The following FMR1 variants were observed in gnomAD, a reference collection of about 807,000 sequenced individuals.
FMR1 encodes fragile X messenger ribonucleoprotein 1.
FMR1 carries 13 observed loss-of-function variants against 50.6 expected under a neutral mutation model. The ratio of observed to expected loss-of-function variants is 0.26; its 90% CI spans 0.17 to 0.41. The LOEUF (loss-of-function observed/expected upper bound fraction) is 0.41. FMR1 is among the 10% of genes least tolerant of loss of function. FMR1 has a pLI of 1.00. For synonymous variants in FMR1, 138 were observed against 164.1 expected (o/e 0.84, Z 1.22); for missense variants, 316 against 491.3 (o/e 0.64, Z 3.37).
At chrX:147,942,479 G>T (rs2044041307) in intron 13 of FMR1, among the ~76,000 whole-genome samples, 1 of 112,238 alleles carries the variant, frequency 8.9e-6, no homozygotes, top group African/African-American at 3.2e-5. Flanking sequence ...CAGAGTTGTA[G>T]TCTTTAGGAA....
chrX:147,943,050 T>A, intron 13 of FMR1, 81 bp from the exon 14 acceptor site: 4 of 823,954 alleles, frequency 4.9e-6, no homozygotes, highest in Non-Finnish European at 7.2e-6. Context: ...TCCAGTATAT[T>A]TTTATCTGAT....
intron 15 of FMR1, 148 bp downstream of exon 15, chrX:147,945,199 T>C (rs1557181711): frequency 4.4e-6 from 4 of 903,175 alleles, no homozygotes; most frequent in African/African-American, 2.0e-5. Context: ...AGCCTTCCAC[T>C]TGTGTAGAAA....
chrX:147,940,628 C>A lies in FMR1; in HGVS notation c.1241C>A (p.Thr414Asn). Reference sequence around the variant, plus strand: ...ACAAAGGACAGCATCGCTAATGCCACTGTTCTTTTGGATTATCACCTGAAC... The same window carrying A: ...ACAAAGGACAGCATCGCTAATGCCAATGTTCTTTTGGATTATCACCTGAAC... ...VGTKDSIANA[T>N]VLLDYHLNYL... Residue 414 changes from threonine (T) to asparagine (N), a missense_variant, in exon 13 of 17, where the codon ACT (threonine) becomes AAT (asparagine). By Grantham distance (65) the Thr-to-Asn change is moderately conservative (BLOSUM62 0). Transcript: ENST00000370475. The A allele has an allele frequency of 8.3e-7, 1 of 1,202,926 alleles. No individual in the cohort carries two copies. Among genetic ancestry groups the A allele is most frequent in the Non-Finnish European group, 1.1e-6 (1 of 887,500 alleles).
At chrX:147,944,216 C>G in intron 14 of FMR1, 2 of 750,868 alleles carry the variant, frequency 2.7e-6, no homozygotes, top group Admixed American at 8.6e-5. Flanking sequence ...CCGCTCCTGT[C>G]CTCTAAGTCG....
chrX:147,917,332 G>A (rs1283771756), intron 1 of FMR1, among the ~76,000 whole-genome samples: 4 of 111,980 alleles, frequency 3.6e-5, no homozygotes, highest in African/African-American at 1.3e-4. Flanking sequence ...TAGAATGTTT[G>A]AATAGATAGC....
intron 1 of FMR1, among the ~76,000 whole-genome samples, chrX:147,919,741 G>A: frequency 8.9e-6 from 1 of 111,974 alleles, no homozygotes. Context: ...AAGCATTATT[G>A]AAGAAGCTTG....
chrX:147,934,183 A>C (rs1274600720), intron 9 of FMR1, among the ~76,000 whole-genome samples: 1 of 108,682 alleles, frequency 9.2e-6, no homozygotes, highest in Non-Finnish European at 1.9e-5. Flanking sequence ...ATTCTTATGG[A>C]AAAAGAGCTG....
intron 5 of FMR1, 78 bp downstream of exon 5, chrX:147,928,885 A>G: frequency 9.4e-7 from 1 of 1,061,214 alleles, no homozygotes; most frequent in Non-Finnish European, 1.3e-6. Flanking sequence ...GTAGTTTAAA[A>G]TTTTTTAAAC....
intron 1 of FMR1, 116 bp downstream of exon 1, chrX:147,912,346 G>A: frequency 1.4e-6 from 1 of 696,654 alleles, no homozygotes; most frequent in South Asian, 2.6e-5. Context: ...TGGGTGCCAG[G>A]GCACGCTCGG....
chrX:147,916,759 T>C (rs2042889734), intron 1 of FMR1, among the ~76,000 whole-genome samples: 1 of 111,561 alleles, frequency 9.0e-6, no homozygotes, highest in South Asian at 3.7e-4. Context: ...TTTGTTTCTT[T>C]CAACAGGTCT....
rs1557183462 is a variant in FMR1 at position 147,950,622 on chromosome X, G to C, written c.*1778G>C. Reference sequence around the variant, plus strand: ...TATGCAAGCAGTTTCAATAAAGTTTGATCTTCCTCTGCTAAATTGATGTTG... The same window carrying C: ...TATGCAAGCAGTTTCAATAAAGTTTCATCTTCCTCTGCTAAATTGATGTTG... On this transcript the variant is annotated 3_prime_UTR_variant, in exon 17 of 17. Transcript: ENST00000370475. The C allele has an allele frequency of 3.0e-6, 1 of 328,968 alleles. No homozygotes were observed. Among genetic ancestry groups the C allele is most frequent in the Non-Finnish European group, 5.9e-6 (1 of 169,486 alleles). The allele number at this position is 328,968 out of a possible 1,213,427, so 27.1% of individuals were successfully genotyped here.
Position 147,936,492 on chromosome X carries a change from T to C in FMR1, c.881-12T>C. ...TGTTTTTAAAACCAAACTTGATTTA[T>C]TTATTTCTTAGGCAAAGTAATAGGA... is the stretch of plus-strand genomic sequence containing the variant. On this transcript the variant is annotated splice_polypyrimidine_tract_variant and intron_variant, in intron 9 of 16. Coordinates refer to ENST00000370475, the MANE Select transcript of FMR1 (RefSeq NM_002024.6). 8.9e-7 allele frequency: 1 copy of C among 1,125,029 alleles called. No homozygotes were observed. The highest frequency in any genetic ancestry group is 1.2e-6 in the Non-Finnish European group (1 of 816,713). 92.7% of individuals were successfully genotyped at this position (1,125,029 alleles called of 1,213,427 possible).
intron 11 of FMR1, 77 bp from the exon 12 acceptor site, chrX:147,938,008 AAAAGTCCTGCAGTG>A: frequency 1.4e-6 from 1 of 710,689 alleles, no homozygotes; most frequent in Non-Finnish European, 2.3e-6. Context: ...AAATGGGTTT[AAAAGTCCTGCAGTG>A]AAAGTCCTGC....
At position 147,928,689 on chromosome X, in the gene FMR1, G is replaced by A; in HGVS notation, c.301G>A (p.Ala101Thr). Residue 101 changes from alanine to threonine, a missense_variant, in exon 5 of 17, where the codon GCA becomes ACA. By Grantham distance (58) the Ala-to-Thr change is moderately conservative (BLOSUM62 0). Coordinates refer to ENST00000370475, the MANE Select transcript of FMR1 (RefSeq NM_002024.6). ...FYVIEYAACD[A>T]TYNEIVTIER... Reference sequence around the variant, plus strand: ...TGTGATAGAATATGCAGCATGTGATGCAACTTACAATGAAATTGTCACAAT... The same window carrying A: ...TGTGATAGAATATGCAGCATGTGATACAACTTACAATGAAATTGTCACAAT... 8.3e-7 allele frequency: 1 copy of A among 1,205,255 alleles called. No homozygotes were observed. Among genetic ancestry groups the A allele is most frequent in the Non-Finnish European group, 1.1e-6 (1 of 890,127 alleles).
intron 1 of FMR1, chrX:147,912,668 C>T (rs1297500967): frequency 1.0e-5 from 3 of 299,626 alleles, no homozygotes; most frequent in Non-Finnish European, 1.7e-5. Flanking sequence ...TTCAGCCGGG[C>T]CGCCTCCTGC....
intron 10 of FMR1, among the ~76,000 whole-genome samples, chrX:147,937,073 G>A (rs1557179762): frequency 9.0e-6 from 1 of 111,411 alleles, no homozygotes; most frequent in Non-Finnish European, 1.9e-5. Flanking sequence ...ATTTATTTCT[G>A]TGCTTAATAT....
intron 16 of FMR1, 72 bp downstream of exon 16, chrX:147,945,688 C>G: frequency 1.3e-6 from 1 of 784,303 alleles, no homozygotes; most frequent in Non-Finnish European, 1.9e-6. Context: ...GTTTATTTTA[C>G]TTTATTAAAA....
chrX:147,912,632 G>A (rs888048321), intron 1 of FMR1: 4 of 302,727 alleles, frequency 1.3e-5, no homozygotes, highest in Non-Finnish European at 2.3e-5. Flanking sequence ...CTGTCGTGTG[G>A]GTAGTTGTGG....
intron 12 of FMR1, chrX:147,940,186 A>G (rs1557180487): frequency 8.9e-6 from 1 of 112,236 alleles, no homozygotes; most frequent in Non-Finnish European, 1.8e-5. Context: ...AAAACAAAAA[A>G]GAAAAAAAAA....
Sources: allele counts gnomAD v4.1 joint callset (sites outside exome capture counted in the v4.1 genomes callset), GRCh38; gene constraint gnomAD v4.1.1; transcripts MANE v1.5; gene names NCBI Gene and HGNC (gene_info 2026-07-23, HGNC 2026-07-21).